Variants in AFF3 observed in about 807,000 individuals in gnomAD.
AFF3 encodes AF4/FMR2 family member 3.
A neutral mutation model predicts 129.7 loss-of-function variants in AFF3; 32 were observed. The ratio of observed to expected loss-of-function variants is 0.25; its 90% confidence interval spans 0.19 to 0.33. The LOEUF is 0.33. Ranked by LOEUF, AFF3 falls within the 10% of genes least tolerant of loss-of-function variation. AFF3 has a pLI of 1.00. For synonymous variants in AFF3, 644 were observed against 635.4 expected (o/e 1.01, Z -0.20); for missense variants, 1,373 against 1,592.0 (o/e 0.86, Z 2.34).
chr2:100,105,621 G>A, intron 2 of AFF3, 38 bp from the exon 3 acceptor site: 3 of 1,338,358 alleles, frequency 2.2e-6, no homozygotes, highest in Non-Finnish European at 3.0e-6. Context: ...GGCTCCTAAA[G>A]AGTAATAATA....
intron 11 of AFF3, among the ~76,000 whole-genome samples, chr2:99,725,027 G>A (rs1337658125): frequency 1.3e-5 from 2 of 151,892 alleles, no homozygotes; most frequent in African/African-American, 4.8e-5. Context: ...CTGGAGTGCA[G>A]TGGTGCGATC....
intron 4 of AFF3, among the ~76,000 whole-genome samples, chr2:100,042,058 C>T (rs999406565): frequency 6.6e-6 from 1 of 152,176 alleles, no homozygotes; most frequent in Admixed American, 6.5e-5. Context: ...CCACACCATC[C>T]CAACCTCTCC....
chr2:99,889,102 C>A (rs1249415763), intron 7 of AFF3, among the ~76,000 whole-genome samples: 2 of 152,082 alleles, frequency 1.3e-5, no homozygotes, highest in Admixed American at 6.5e-5. Context: ...TTTATCAATT[C>A]TTTCTTTTTC....
intron 13 of AFF3, among the ~76,000 whole-genome samples, chr2:99,609,586 TTCCATGGTA>T (rs1257541830): frequency 6.6e-6 from 1 of 152,238 alleles, no homozygotes. Context: ...CTGAATAGTA[TTCCATGGTA>T]TATATATACA....
At chr2:99,698,629 T>G (rs910205805) in intron 11 of AFF3, among the ~76,000 whole-genome samples, 1 of 152,244 alleles carries the variant, frequency 6.6e-6, no homozygotes, top group Non-Finnish European at 1.5e-5. Flanking sequence ...TTACCAGCAA[T>G]TTCCAAGGCT....
intron 7 of AFF3, among the ~76,000 whole-genome samples, chr2:99,951,768 C>G (rs966424479): frequency 1.3e-5 from 2 of 152,204 alleles, no homozygotes; most frequent in African/African-American, 4.8e-5. Flanking sequence ...GCCTCAGCCT[C>G]CCGAGTAGCT....
chr2:100,042,931 C>T (rs1297774491), intron 4 of AFF3, among the ~76,000 whole-genome samples: 1 of 152,092 alleles, frequency 6.6e-6, no homozygotes, highest in Non-Finnish European at 1.5e-5. Flanking sequence ...ATAATTCGTA[C>T]TGATGTTTTT....
At chr2:100,000,238 T>G (rs1431475207) in intron 7 of AFF3, among the ~76,000 whole-genome samples, 4 of 152,216 alleles carry the variant, frequency 2.6e-5, no homozygotes, top group Non-Finnish European at 5.9e-5. Flanking sequence ...TCTTGTTGAT[T>G]TAGTATTTCA....
At chr2:99,711,566 T>C (rs761223091) in intron 11 of AFF3, among the ~76,000 whole-genome samples, 17 of 152,288 alleles carry the variant, frequency 1.1e-4, no homozygotes, top group Non-Finnish European at 2.2e-4. Context: ...TGTGCAAATA[T>C]GCAAGCTTGG....
At chr2:99,958,329 C>G (rs1286708584) in intron 7 of AFF3, among the ~76,000 whole-genome samples, 1 of 151,966 alleles carries the variant, frequency 6.6e-6, no homozygotes, top group South Asian at 2.1e-4. Context: ...CCCATCTCTA[C>G]TAAAAATACA....
At chr2:100,057,039 A>G (rs71413861) in intron 4 of AFF3, among the ~76,000 whole-genome samples, 22,017 of 152,180 alleles carry the variant, frequency 0.14, 1,923 homozygotes, top group East Asian at 0.28. Context: ...CTTTGGCCAC[A>G]CTGGGCCAGG....
At chr2:100,014,071 C>T (rs1410900914) in intron 4 of AFF3, among the ~76,000 whole-genome samples, 1 of 151,846 alleles carries the variant, frequency 6.6e-6, no homozygotes, top group Non-Finnish European at 1.5e-5. Flanking sequence ...GACCTCCTTC[C>T]CACTGCACTC....
chr2:99,939,677 C>A (rs1674849024), intron 7 of AFF3, among the ~76,000 whole-genome samples: 1 of 152,200 alleles, frequency 6.6e-6, no homozygotes, highest in African/African-American at 2.4e-5. Flanking sequence ...ACTCTGAACT[C>A]CATACAGGAA....
intron 7 of AFF3, among the ~76,000 whole-genome samples, chr2:99,925,403 T>A (rs1696157059): frequency 6.6e-6 from 1 of 152,214 alleles, no homozygotes; most frequent in African/African-American, 2.4e-5. Flanking sequence ...TAAGGAATGA[T>A]TCTCATCATC....
At chr2:99,578,205 C>T (rs1677172989) in intron 18 of AFF3, 122 bp downstream of exon 18, 1 of 1,358,612 alleles carries the variant, frequency 7.4e-7, no homozygotes, top group African/African-American at 1.5e-5. Context: ...GACCAAGTCC[C>T]AGGGGAAAAA....
At chr2:99,774,270 A>T (rs1246753754) in intron 8 of AFF3, among the ~76,000 whole-genome samples, 1 of 152,238 alleles carries the variant, frequency 6.6e-6, no homozygotes, top group Non-Finnish European at 1.5e-5. Context: ...AAGAGCCCAA[A>T]TAGCCAAGGC....
intron 8 of AFF3, among the ~76,000 whole-genome samples, chr2:99,753,632 C>G (rs931508780): frequency 6.6e-6 from 1 of 152,142 alleles, no homozygotes; most frequent in African/African-American, 2.4e-5. Flanking sequence ...CCCAGCACCT[C>G]AGATAGTGCA....
chr2:100,031,189 C>T (rs1256412530), intron 4 of AFF3, among the ~76,000 whole-genome samples: 3 of 152,022 alleles, frequency 2.0e-5, no homozygotes, highest in Admixed American at 2.0e-4. Context: ...AAGCTGTTTC[C>T]CGATGGAAGT....
chr2:99,646,621 C>A (rs1297608880), intron 13 of AFF3, among the ~76,000 whole-genome samples: 1 of 152,092 alleles, frequency 6.6e-6, no homozygotes, highest in Admixed American at 6.6e-5. Context: ...ATATTCAGGA[C>A]CTGGGGAGAT....
Sources: gnomAD v4.1 joint callset for allele counts (sites outside exome capture counted in the v4.1 genomes callset) on GRCh38, gnomAD v4.1.1 for gene constraint, MANE v1.5 for transcripts, NCBI Gene and HGNC (gene_info 2026-07-23, HGNC 2026-07-21) for gene names.